Variants in OR2L13 observed in about 807,000 individuals in gnomAD.
OR2L13 encodes olfactory receptor family 2 subfamily L member 13.
Under a neutral mutation model 15.3 loss-of-function variants are expected in OR2L13, and 14 were observed. That is an observed-to-expected ratio of 0.91 (90% CI 0.60 to 1.43). OR2L13 has a LOEUF of 1.43. Ranked by LOEUF, OR2L13 falls within the 40% of genes most tolerant of loss-of-function variation. The pLI is 0.00. For synonymous variants in OR2L13, 152 were observed against 142.9 expected, an observed-to-expected ratio of 1.06 and a Z score of -0.45; for missense variants, 367 against 387.9, an observed-to-expected ratio of 0.95 and a Z score of 0.45.
the OR2L13 span, chr1:248,060,730 TTC>T: frequency 6.2e-7 from 1 of 1,614,134 alleles, no homozygotes; most frequent in Non-Finnish European, 8.5e-7. Context: ...ATTAGGATTC[TTC>T]CCACCATCAA....
At chr1:248,041,354 C>A in the OR2L13 span, 1 of 151,974 alleles carries the variant, frequency 6.6e-6, no homozygotes, top group Non-Finnish European at 1.5e-5. Flanking sequence ...ATACAAAAAT[C>A]AATTCAAGAT....
At chr1:248,004,797 G>T in the OR2L13 span, among the ~76,000 whole-genome samples, 1 of 152,156 alleles carries the variant, frequency 6.6e-6, no homozygotes, top group Non-Finnish European at 1.5e-5. Flanking sequence ...TGGGAGTTTA[G>T]TTTCATTTTT....
chr1:248,072,015 G>A, the OR2L13 span, among the ~76,000 whole-genome samples: 1 of 151,312 alleles, frequency 6.6e-6, no homozygotes, highest in Non-Finnish European at 1.5e-5. Flanking sequence ...ATGCTCATGG[G>A]TAGGAAGAAT....
At chr1:247,959,944 T>TGA in the OR2L13 span, among the ~76,000 whole-genome samples, 1 of 44,288 alleles carries the variant, frequency 2.3e-5, no homozygotes, top group Non-Finnish European at 1.6e-4. Flanking sequence ...TCTCAACTCG[T>TGA]CAGTCATTCT....
the OR2L13 span, among the ~76,000 whole-genome samples, chr1:248,034,841 G>A: frequency 6.6e-6 from 1 of 152,182 alleles, no homozygotes; most frequent in Non-Finnish European, 1.5e-5. Context: ...GACACTTTCT[G>A]TGAGTCACAG....
At chr1:248,052,337 G>GTCA in the OR2L13 span, among the ~76,000 whole-genome samples, 1 of 152,192 alleles carries the variant, frequency 6.6e-6, no homozygotes, top group Admixed American at 6.5e-5. Context: ...ATGTATATGA[G>GTCA]AGGCTATTTC....
At chr1:248,004,611 G>T in the OR2L13 span, among the ~76,000 whole-genome samples, 27,712 of 152,082 alleles carry the variant, frequency 0.18, 5,206 homozygotes, top group African/African-American at 0.49. Flanking sequence ...CTGATACCAC[G>T]CTGGATGGCC....
At chr1:247,950,281 A>C in the OR2L13 span, among the ~76,000 whole-genome samples, 4 of 152,008 alleles carry the variant, frequency 2.6e-5, no homozygotes, top group Admixed American at 2.6e-4. Context: ...ATTTAGGGGG[A>C]CTTATTATTA....
chr1:248,026,705 T>C, the OR2L13 span, among the ~76,000 whole-genome samples: 1 of 152,224 alleles, frequency 6.6e-6, no homozygotes, highest in Non-Finnish European at 1.5e-5. Context: ...TTATAATTTC[T>C]TACCCCTGTC....
the OR2L13 span, among the ~76,000 whole-genome samples, chr1:247,956,470 AT>A: frequency 2.6e-5 from 4 of 150,994 alleles, no homozygotes; most frequent in Admixed American, 2.7e-4. Context: ...GTTTTTTCCA[AT>A]TCTGTGAAGA....
chr1:247,990,146 G>A, the OR2L13 span: 1 of 501,388 alleles, frequency 2.0e-6, no homozygotes, highest in South Asian at 2.0e-5. Context: ...AGGGTTCAGT[G>A]TAAACCCCAA....
At chr1:247,937,221 C>CACCTGCGCCCTG in the OR2L13 span, 1 of 153,302 alleles carries the variant, frequency 6.5e-6, no homozygotes, top group Non-Finnish European at 1.5e-5. Context: ...AGACCAGCCG[C>CACCTGCGCCCTG]GGCGTCTTTG....
At chr1:248,037,523 T>A in the OR2L13 span, among the ~76,000 whole-genome samples, 1 of 152,304 alleles carries the variant, frequency 6.6e-6, no homozygotes, top group East Asian at 1.9e-4. Context: ...AAATGATTTT[T>A]CCTATAAATG....
At chr1:247,961,592 TCTC>T in the OR2L13 span, among the ~76,000 whole-genome samples, 4 of 151,960 alleles carry the variant, frequency 2.6e-5, no homozygotes, top group Non-Finnish European at 5.9e-5. Context: ...CAAGGAAATA[TCTC>T]CTAGTAGAGT....
chr1:248,029,718 A>G, the OR2L13 span, among the ~76,000 whole-genome samples: 4 of 152,208 alleles, frequency 2.6e-5, no homozygotes, highest in African/African-American at 7.2e-5. Flanking sequence ...AATTGAACTC[A>G]GAAAGAAATT....
the OR2L13 span, chr1:248,040,678 T>G: frequency 6.6e-6 from 1 of 152,332 alleles, no homozygotes; most frequent in South Asian, 2.1e-4. Context: ...ATAAGACATA[T>G]AAGATACAAA....
chr1:248,007,415 G>T, the OR2L13 span, among the ~76,000 whole-genome samples: 1 of 152,172 alleles, frequency 6.6e-6, no homozygotes, highest in Non-Finnish European at 1.5e-5. Flanking sequence ...AGTCCCCTCT[G>T]ACGTGGTGTC....
At chr1:247,958,667 C>A in the OR2L13 span, among the ~76,000 whole-genome samples, 7 of 151,942 alleles carry the variant, frequency 4.6e-5, no homozygotes, top group South Asian at 4.2e-4. Context: ...TAGCTCTTCT[C>A]GTTGAATTGA....
At chr1:248,098,125 T>G (rs1257720139) in intron 1 of OR2L13, among the ~76,000 whole-genome samples, 1 of 152,252 alleles carries the variant, frequency 6.6e-6, no homozygotes, top group Non-Finnish European at 1.5e-5. Flanking sequence ...CTTTGTTTAA[T>G]CCAATGATCT....
Sources: gnomAD v4.1 joint callset for allele counts (sites outside exome capture counted in the v4.1 genomes callset) on GRCh38, gnomAD v4.1.1 for gene constraint, MANE v1.5 for transcripts, NCBI Gene and HGNC (gene_info 2026-07-23, HGNC 2026-07-21) for gene names.